Variants in PLAGL1 observed in about 807,000 individuals in gnomAD.
PLAGL1 encodes the protein PLAG1 like zinc finger 1, also known as zinc finger protein PLAGL1.
Under a neutral mutation model 4.6 loss-of-function variants are expected in PLAGL1, and 1 was observed. The observed-to-expected ratio is 0.22, with a 90% CI of 0.08 to 1.03. PLAGL1 has a LOEUF of 1.03. Among genes scored for constraint, PLAGL1 ranks in the 50% least tolerant of loss-of-function variants. The probability of loss-of-function intolerance (pLI) is 0.58; values close to 1 mark genes in which losing one functional copy is unlikely to be tolerated. For missense variants in PLAGL1, 464 were observed against 570.4 expected (o/e 0.81, Z 1.90); for synonymous variants, 240 against 237.8 (o/e 1.01, Z -0.08).
In PLAGL1 at chr6:143,966,262, T is replaced by A. The variant is rs956624869; in HGVS notation, c.-471-64A>T. On this transcript the variant is annotated intron_variant, in intron 3 of 7. Transcript: ENST00000674357. This position sits in a 1 kb window ranked among gnomAD's most constrained non-coding sequence, Gnocchi z 6.0. ...GTTGTTAATCAGGAGAGCAATATGT[T>A]CAGGCTTGTGTTATAGAAAGAAACT... is the stretch of plus-strand genomic sequence containing the variant. 2.0e-5 allele frequency: 3 copies of A among 152,212 alleles called. No individual in the cohort carries two copies. The highest frequency in any genetic ancestry group is 7.2e-5 in the African/African-American group (3 of 41,440). The allele number at this position is 152,212 out of a possible 1,614,324, so 9.4% of individuals were successfully genotyped here. A position where few individuals can be genotyped will look rare whatever the true frequency, so the allele number is the denominator to read the frequency against.
rs570735173 is a variant in PLAGL1 at position 144,004,672 on chromosome 6, T to C, written c.-584+3418A>G. On this transcript the variant is annotated intron_variant, in intron 1 of 7. Coordinates refer to ENST00000674357, the MANE Select transcript of PLAGL1 (RefSeq NM_001317162.2). This position sits in a 1 kb window ranked among gnomAD's most constrained non-coding sequence, Gnocchi z 4.2. ...TAGTAATCACAAAGGTATACACATA[T>C]GTAAATTTCACCAAGCTACACACTT... Among the ~76,000 whole-genome samples, 37 of 152,298 alleles carry C rather than the reference T, an allele frequency of 2.4e-4. No individual in the cohort carries two copies. The highest frequency in any genetic ancestry group is 6.5e-4 in the Admixed American group (10 of 15,298).
rs1415890593 is a variant in PLAGL1, at chr6:143,952,419, A to T, written c.-324-3959T>A. Among the ~76,000 whole-genome samples, 1 of 152,166 alleles carries T rather than the reference A, an allele frequency of 6.6e-6. No homozygotes were observed. Among genetic ancestry groups the T allele is most frequent in the Non-Finnish European group, 1.5e-5 (1 of 68,028 alleles). ...TCACCCTAGAAAGATAGTAAGTCTTACCCCAAAACATCTCAGGACATAATT... is the reference window on the plus strand; with the variant it reads ...TCACCCTAGAAAGATAGTAAGTCTTTCCCCAAAACATCTCAGGACATAATT... On this transcript the variant is annotated intron_variant, in intron 6 of 7. Coordinates refer to ENST00000674357, the MANE Select transcript of PLAGL1 (RefSeq NM_001317162.2). This position sits in a 1 kb window ranked among gnomAD's most constrained non-coding sequence, Gnocchi z 6.1.
rs1179099031 is a variant in PLAGL1 at position 143,968,158 on chromosome 6, T to G, written c.-472+749A>C. 5.9e-5 allele frequency: 9 copies of G among 152,124 alleles called. No homozygotes were observed. The highest frequency in any genetic ancestry group is 1.3e-4 in the Non-Finnish European group (9 of 68,030). 9.4% of individuals were successfully genotyped at this position (152,124 alleles called of 1,614,324 possible). ...GGAAAAACAACAAACATGTTAGATA[T>G]GAAATTTAAGGCTGGGATTTGGAAT... is the stretch of plus-strand genomic sequence containing the variant. On this transcript the variant is annotated intron_variant, in intron 3 of 7. Transcript: ENST00000674357. The surrounding 1 kb of genome is among the most constrained non-coding windows in gnomAD (Gnocchi z 6.3).
At position 144,004,511 on chromosome 6, in the gene PLAGL1, T is replaced by C. The variant is rs766324527; in HGVS notation, c.-584+3579A>G. Reference sequence around the variant, plus strand: ...CAAAAGAATAAACTGTATGACTCCGTTTATATGAAGTTTAAAAACATTTGA... The same window carrying C: ...CAAAAGAATAAACTGTATGACTCCGCTTATATGAAGTTTAAAAACATTTGA... On this transcript the variant is annotated intron_variant, in intron 1 of 7. Coordinates refer to ENST00000674357, the MANE Select transcript of PLAGL1 (RefSeq NM_001317162.2). The surrounding 1 kb of genome is among the most constrained non-coding windows in gnomAD (Gnocchi z 4.2). Among the ~76,000 whole-genome samples the C allele has an allele frequency of 3.3e-5, 5 of 152,224 alleles. No homozygotes were observed. The highest frequency in any genetic ancestry group is 7.3e-5 in the Non-Finnish European group (5 of 68,034).
Position 143,996,408 on chromosome 6 carries a change from A to G in PLAGL1, c.-583-11234T>C, listed in dbSNP as rs1440284758. On this transcript the variant is annotated intron_variant, in intron 1 of 7. Coordinates refer to ENST00000674357, the MANE Select transcript of PLAGL1 (RefSeq NM_001317162.2). The stretch of plus-strand genomic sequence containing the variant: ...ACAGAAAGTATGGCAAAGACTGCCA[A>G]TTTTCTCTGATATCCATTCTTCCTT... 3.3e-5 allele frequency among the ~76,000 whole-genome samples: 5 copies of G among 152,296 alleles called. No individual in the cohort carries two copies. The South Asian group carries it at 8.3e-4, about 25-fold the overall frequency.
At chr6:144,014,227 T>A (rs781010692) in intron 1 of PLAGL1, among the ~76,000 whole-genome samples, 93 of 152,064 alleles carry the variant, frequency 6.1e-4, no homozygotes, top group Admixed American at 8.5e-4. Context: ...GGTCAGGAGT[T>A]CAAGACCAGC....
chr6:144,051,712 C>T lies in PLAGL1; in HGVS notation c.-151+12756G>A, dbSNP rs948300139. Among the ~76,000 whole-genome samples, 9 of 152,062 alleles carry T rather than the reference C, an allele frequency of 5.9e-5. No homozygotes were observed. The East Asian group carries it at 1.2e-3, about 20-fold the overall frequency. On this transcript the variant is annotated intron_variant, in intron 1 of 3. Coordinates refer to the PLAGL1 transcript ENST00000437412. Reference sequence around the variant, plus strand: ...GAGGCCTCACAATCATGGTAGAAAACGAGGAGGAGCAAGTCATGTCTTACA... The same window carrying T: ...GAGGCCTCACAATCATGGTAGAAAATGAGGAGGAGCAAGTCATGTCTTACA...
rs1246279998 is a variant in PLAGL1, at chr6:144,050,492, G to C, written c.-151+13976C>G. Among the ~76,000 whole-genome samples the C allele has an allele frequency of 6.6e-6, 1 of 152,044 alleles. No homozygotes were observed. Among genetic ancestry groups the C allele is most frequent in the Non-Finnish European group, 1.5e-5 (1 of 68,020 alleles). On this transcript the variant is annotated intron_variant, in intron 1 of 3. Transcript: ENST00000437412. The surrounding 1 kb of genome is among the most constrained non-coding windows in gnomAD (Gnocchi z 4.3). ...AAAGATTCTTCTACACTCTTTTAAG[G>C]CTGTCTCTTCTCTATGTTTATGTCT...
chr6:144,003,490 G>T (rs1015639696), intron 1 of PLAGL1, among the ~76,000 whole-genome samples: 5 of 152,066 alleles, frequency 3.3e-5, no homozygotes, highest in African/African-American at 4.8e-5. Context: ...CAGGCATAGT[G>T]GTGGGTGCCT....
At position 144,055,907 on chromosome 6, in the gene PLAGL1, G is replaced by C. The variant is rs1034523432; in HGVS notation, c.-151+8561C>G. 4.6e-5 allele frequency among the ~76,000 whole-genome samples: 7 copies of C among 152,046 alleles called. No homozygotes were observed. Among genetic ancestry groups the C allele is most frequent in the Non-Finnish European group, 1.0e-4 (7 of 68,018 alleles). On this transcript the variant is annotated intron_variant, in intron 1 of 3. Transcript: ENST00000437412. This position sits in a 1 kb window ranked among gnomAD's most constrained non-coding sequence, Gnocchi z 5.0. ...ACCTACATGACAGCCCTGTGATTTG[G>C]GCTAAAATTTAACCTTCAAAAGCTC...
At chr6:143,946,746 C>T (rs1583063906) in intron 7 of PLAGL1, among the ~76,000 whole-genome samples, 1 of 152,216 alleles carries the variant, frequency 6.6e-6, no homozygotes, top group East Asian at 1.9e-4. Context: ...GCCTGGCTCT[C>T]TCCAGGCGTT....
upstream of PLAGL1, among the ~76,000 whole-genome samples, chr6:144,011,949 G>A (rs953259483): frequency 2.6e-5 from 4 of 152,164 alleles, no homozygotes; most frequent in African/African-American, 9.7e-5. The surrounding 1 kb of genome is among the most constrained non-coding windows in gnomAD (Gnocchi z 4.3). Flanking sequence ...TCTCACAGGT[G>A]TGCCCTGCCT....
At chr6:143,951,158 G>GAA (rs1780999564) in intron 6 of PLAGL1, among the ~76,000 whole-genome samples, 2 of 152,158 alleles carry the variant, frequency 1.3e-5, no homozygotes, top group Non-Finnish European at 2.9e-5. Context: ...ATAGTTACCT[G>GAA]ATGTATGTAA....
chr6:144,047,230 T>C (rs1007425514), intron 1 of PLAGL1, among the ~76,000 whole-genome samples: 5 of 152,166 alleles, frequency 3.3e-5, no homozygotes, highest in African/African-American at 1.2e-4. Context: ...CCCAGTGAGA[T>C]GAACCAGGTA....
chr6:143,999,497 T>G (rs1032368431), intron 1 of PLAGL1, among the ~76,000 whole-genome samples: 21 of 152,222 alleles, frequency 1.4e-4, no homozygotes, highest in African/African-American at 5.1e-4. Flanking sequence ...TTAGTGACCA[T>G]TTTCCACAAT....
chr6:144,062,380 CAA>C (rs60916927), intron 1 of PLAGL1, among the ~76,000 whole-genome samples: 17 of 85,908 alleles, frequency 2.0e-4, no homozygotes, highest in African/African-American at 2.9e-4. Context: ...CCGTCTCAAA[CAA>C]AAAAAAAAAA....
In PLAGL1 at chr6:144,061,517, T is replaced by C. The variant is rs1423309061; in HGVS notation, c.-151+2951A>G. ...ATATTATTATATCCCCATTGTACAA[T>C]GAGCAGACACAGCTAATTGAGGACC... On this transcript the variant is annotated intron_variant, in intron 1 of 3. Coordinates refer to the PLAGL1 transcript ENST00000437412. The surrounding 1 kb of genome is among the most constrained non-coding windows in gnomAD (Gnocchi z 4.4). Among the ~76,000 whole-genome samples, 2 of 152,192 alleles carry C rather than the reference T, an allele frequency of 1.3e-5. No homozygotes were observed. The highest frequency in any genetic ancestry group is 2.9e-5 in the Non-Finnish European group (2 of 68,024).
chr6:144,004,409 C>T lies in PLAGL1; in HGVS notation c.-584+3681G>A, dbSNP rs1029018439. 6.6e-6 allele frequency among the ~76,000 whole-genome samples: 1 copy of T among 152,130 alleles called. No homozygotes were observed. Among genetic ancestry groups the T allele is most frequent in the Non-Finnish European group, 1.5e-5 (1 of 68,032 alleles). On this transcript the variant is annotated intron_variant, in intron 1 of 7. Transcript: ENST00000674357. This position sits in a 1 kb window ranked among gnomAD's most constrained non-coding sequence, Gnocchi z 4.2. ...GAATTGGCCCACAGGCCATAGTTTG[C>T]CAACCCTTGATACAAAGCAAAAATA...
Position 143,963,877 on chromosome 6 carries a change from T to G in PLAGL1, c.-399+910A>C, listed in dbSNP as rs932343939. On this transcript the variant is annotated intron_variant, in intron 5 of 7. Coordinates refer to ENST00000674357, the MANE Select transcript of PLAGL1 (RefSeq NM_001317162.2). This position sits in a 1 kb window ranked among gnomAD's most constrained non-coding sequence, Gnocchi z 6.1. ...ACTTTGTTTGAATTCCCAATGATTC[T>G]CCTTTCTAGCTCATTTAAAACAGGT... Among the ~76,000 whole-genome samples, 1 of 152,230 alleles carries G rather than the reference T, an allele frequency of 6.6e-6. No individual in the cohort carries two copies. Among genetic ancestry groups the G allele is most frequent in the Non-Finnish European group, 1.5e-5 (1 of 68,036 alleles).
Sources: gnomAD v4.1 joint callset for allele counts (sites outside exome capture counted in the v4.1 genomes callset) on GRCh38, gnomAD v4.1.1 for gene constraint, Gnocchi (gnomAD v3.1) non-coding constraint, MANE v1.5 for transcripts, NCBI Gene and HGNC (gene_info 2026-07-23, HGNC 2026-07-21) for gene names.